Variants in C8orf34 observed in about 807,000 individuals in gnomAD.
C8orf34 encodes uncharacterized protein C8orf34.
In C8orf34, 65 loss-of-function variants were observed where a neutral mutation model predicts 68.3. That is an observed-to-expected ratio of 0.95 (90% CI 0.78 to 1.17). The LOEUF is 1.17. Among genes scored for constraint, C8orf34 ranks in the 50% most tolerant of loss-of-function variants. The pLI is 0.00. For synonymous variants in C8orf34, 244 were observed against 241.2 expected (o/e 1.01, Z -0.11); for missense variants, 664 against 655.4 (o/e 1.01, Z -0.14).
At chr8:68,474,404 G>A (rs1166715023) in intron 4 of C8orf34, among the ~76,000 whole-genome samples, 1 of 151,986 alleles carries the variant, frequency 6.6e-6, no homozygotes, top group Non-Finnish European at 1.5e-5. Flanking sequence ...TTTCCTCTAA[G>A]ATATGTTTTG....
intron 10 of C8orf34, among the ~76,000 whole-genome samples, chr8:68,768,450 C>G (rs1006026608): frequency 3.9e-5 from 6 of 152,132 alleles, no homozygotes; most frequent in Non-Finnish European, 7.4e-5. Context: ...ACAGTTAGTT[C>G]TCATCAACAC....
chr8:68,755,956 A>G (rs1822845092), intron 10 of C8orf34, among the ~76,000 whole-genome samples: 1 of 151,746 alleles, frequency 6.6e-6, no homozygotes, highest in Non-Finnish European at 1.5e-5. Flanking sequence ...AGTCCCAGCT[A>G]CTCGGGAGGC....
At chr8:68,519,613 T>G (rs925761157) in intron 5 of C8orf34, among the ~76,000 whole-genome samples, 1 of 152,178 alleles carries the variant, frequency 6.6e-6, no homozygotes, top group Non-Finnish European at 1.5e-5. Flanking sequence ...ATGACTTTGT[T>G]TTGTAAAGAT....
rs565030152 is a variant in C8orf34, at chr8:68,564,552, C to T, written c.1105+31403C>T. ...ATGTGGGTAGGACACAGAAGGCTCA[C>T]CCTGGACTAGGTTGCTGCTTTTTGG... is the stretch of plus-strand genomic sequence containing the variant. On this transcript the variant is annotated intron_variant, in intron 7 of 13. Coordinates refer to ENST00000518698, the MANE Select transcript of C8orf34 (RefSeq NM_052958.4). Among the ~76,000 whole-genome samples the T allele has an allele frequency of 2.0e-5, 3 of 152,292 alleles. No homozygotes were observed. The South Asian group carries it at 6.2e-4, about 32-fold the overall frequency.
chr8:68,640,504 T>G lies in C8orf34; in HGVS notation c.1234T>G (p.Cys412Gly). 1 of 1,613,254 alleles carries G rather than the reference T, an allele frequency of 6.2e-7. No homozygotes were observed. The highest frequency in any genetic ancestry group is 8.5e-7 in the Non-Finnish European group (1 of 1,179,654). The change falls in exon 8 of 14, where the codon TGT (cysteine) becomes GGT (glycine). Residue 412 changes from cysteine (C) to glycine (G), a missense_variant. Transcript: ENST00000518698. ...AKVTLNICSR[C>G]ARLQGDNLEE... ...GGTCACACTGAACATCTGTTCAAGG[T>G]GTGCCAGGTAAAAGACATAATAGGT...
intron 13 of C8orf34, among the ~76,000 whole-genome samples, chr8:68,816,954 C>G (rs1000139777): frequency 6.6e-6 from 1 of 152,208 alleles, no homozygotes; most frequent in African/African-American, 2.4e-5. Flanking sequence ...AGGTACACAA[C>G]TATCACGTGG....
intron 7 of C8orf34, among the ~76,000 whole-genome samples, chr8:68,536,732 T>C (rs1815493117): frequency 6.6e-6 from 1 of 152,094 alleles, no homozygotes; most frequent in Non-Finnish European, 1.5e-5. Context: ...GGCAAGTATA[T>C]AAAAATCAAA....
intron 10 of C8orf34, among the ~76,000 whole-genome samples, chr8:68,723,601 T>C (rs1288501599): frequency 2.0e-5 from 3 of 152,192 alleles, no homozygotes; most frequent in Non-Finnish European, 4.4e-5. Context: ...CATAACCTCA[T>C]GATGTTATGT....
intron 10 of C8orf34, among the ~76,000 whole-genome samples, chr8:68,774,824 G>A (rs1000387154): frequency 6.6e-6 from 1 of 151,398 alleles, no homozygotes. Flanking sequence ...GTGTCACCCT[G>A]GGCCGGGTGT....
chr8:68,550,523 A>G (rs1816030191), intron 7 of C8orf34, among the ~76,000 whole-genome samples: 2 of 151,874 alleles, frequency 1.3e-5, no homozygotes. Flanking sequence ...TAAGAAAAAC[A>G]AAAGTTTTGA....
rs532176803 is a variant in C8orf34, at chr8:68,345,632, G to A, written c.327+14293G>A. The stretch of plus-strand genomic sequence containing the variant: ...TACACCTATCAAATTGGTAGAGCAA[G>A]TAATTAATACAGAAAGGAATTGAAT... On this transcript the variant is annotated intron_variant, in intron 1 of 13. Transcript: ENST00000518698. Among the ~76,000 whole-genome samples, 132 of 151,932 alleles carry A rather than the reference G, an allele frequency of 8.7e-4. 2 individuals are homozygous for A. The highest frequency in any genetic ancestry group is 3.2e-3 in the African/African-American group (131 of 41,484).
At chr8:68,694,779 T>C (rs1820779152) in intron 8 of C8orf34, among the ~76,000 whole-genome samples, 1 of 152,100 alleles carries the variant, frequency 6.6e-6, no homozygotes, top group Admixed American at 6.6e-5. Flanking sequence ...TTTAGTAAAA[T>C]TGGAATTTCC....
chr8:68,606,648 A>G (rs1431559384), intron 7 of C8orf34, among the ~76,000 whole-genome samples: 3 of 152,084 alleles, frequency 2.0e-5, no homozygotes, highest in Non-Finnish European at 4.4e-5. Flanking sequence ...CACAGGCAAC[A>G]TGATACCCTG....
chr8:68,414,510 G>C (rs1809579185), intron 1 of C8orf34, among the ~76,000 whole-genome samples: 1 of 152,158 alleles, frequency 6.6e-6, no homozygotes, highest in African/African-American at 2.4e-5. Flanking sequence ...TCTATAAAAA[G>C]CTTTTAGTAA....
intron 1 of C8orf34, among the ~76,000 whole-genome samples, chr8:68,341,589 C>T (rs919839343): frequency 6.6e-6 from 1 of 151,984 alleles, no homozygotes; most frequent in Non-Finnish European, 1.5e-5. Context: ...GTGTTTGGGT[C>T]CTGGTGGCAG....
chr8:68,804,931 C>A (rs1490991609), intron 12 of C8orf34, among the ~76,000 whole-genome samples: 1 of 152,186 alleles, frequency 6.6e-6, no homozygotes, highest in African/African-American at 2.4e-5. Flanking sequence ...TATGGCAAAA[C>A]CTACATATAA....
intron 8 of C8orf34, among the ~76,000 whole-genome samples, chr8:68,682,437 A>C (rs957816122): frequency 9.2e-5 from 14 of 152,070 alleles, no homozygotes; most frequent in Non-Finnish European, 1.8e-4. Context: ...GAGTCTCGTA[A>C]TTTAGTTATC....
chr8:68,789,372 G>A (rs1823929726), intron 12 of C8orf34, among the ~76,000 whole-genome samples: 1 of 152,156 alleles, frequency 6.6e-6, no homozygotes, highest in Admixed American at 6.5e-5. Flanking sequence ...ACTTAGACAA[G>A]AAAATAATCC....
At chr8:68,640,545 A>G in intron 8 of C8orf34, 34 bp downstream of exon 8, 3 of 1,572,430 alleles carry the variant, frequency 1.9e-6, no homozygotes, top group African/African-American at 1.4e-5. Context: ...ATATATAAAC[A>G]TGATCTTGAT....
Sources: gnomAD v4.1 joint callset for allele counts (sites outside exome capture counted in the v4.1 genomes callset) on GRCh38, gnomAD v4.1.1 for gene constraint, MANE v1.5 for transcripts, NCBI Gene and HGNC (gene_info 2026-07-23, HGNC 2026-07-21) for gene names.